The following ID4 variants were observed in gnomAD, a reference collection of about 807,000 sequenced individuals.
ID4 encodes DNA-binding protein inhibitor ID-4.
In ID4, 9 loss-of-function variants were observed where a neutral mutation model predicts 8.6. That is an observed-to-expected ratio of 1.04 (90% CI 0.63 to 1.82). The LOEUF is 1.82. ID4 is among the 40% of genes most tolerant of loss of function. The pLI is 0.00. For missense variants in ID4, 270 were observed against 235.1 expected (o/e 1.15, Z -0.97); for synonymous variants, 180 against 118.0 (o/e 1.53, Z -3.41).
chr6:19,838,515 T>A (rs1761280407), intron 1 of ID4, 69 bp from the exon 2 acceptor site: 2 of 1,597,944 alleles, frequency 1.3e-6, no homozygotes, highest in Middle Eastern at 1.7e-4. Flanking sequence ...CCGAGGACAA[T>A]CCAGGACCGT....
chr6:19,838,314 C>T (rs952115696), intron 1 of ID4, 119 bp downstream of exon 1: 8 of 1,065,296 alleles, frequency 7.5e-6, no homozygotes, highest in African/African-American at 3.4e-5. Flanking sequence ...AATGACAGCC[C>T]CCTCCCCCTG....
chr6:19,838,302 G>C lies in ID4; in HGVS notation c.441+107G>C, dbSNP rs897686183. 6.3e-6 allele frequency: 7 copies of C among 1,109,516 alleles called. No homozygotes were observed. The African/African-American group carries it at 1.2e-4, about 18-fold the overall frequency. The allele number at this position is 1,109,516 out of a possible 1,614,324, so 68.7% of individuals were successfully genotyped here. A position where few individuals can be genotyped will look rare whatever the true frequency, so the allele number is the denominator to read the frequency against. ...CCGTCCTCCGGGCAGGGGCGGGCCAGGAATGACAGCCCCCTCCCCCTGCTC... is the reference window on the plus strand; with the variant it reads ...CCGTCCTCCGGGCAGGGGCGGGCCACGAATGACAGCCCCCTCCCCCTGCTC... On this transcript the variant is annotated intron_variant, in intron 1 of 2. Transcript: ENST00000378700.
rs1581594722 is a variant in ID4, at chr6:19,838,200, G to A, written c.441+5G>A. 3.7e-6 allele frequency: 5 copies of A among 1,362,658 alleles called. No individual in the cohort carries two copies. Among genetic ancestry groups the A allele is most frequent in the Non-Finnish European group, 3.8e-6 (4 of 1,063,186 alleles). The allele number at this position is 1,362,658 out of a possible 1,614,324, so 84.4% of individuals were successfully genotyped here. A position where few individuals can be genotyped will look rare whatever the true frequency, so the allele number is the denominator to read the frequency against. On this transcript the variant is annotated splice_donor_5th_base_variant and intron_variant, in intron 1 of 2. Coordinates refer to ENST00000378700, the MANE Select transcript of ID4 (RefSeq NM_001546.4). Reference sequence around the variant, plus strand: ...ACTGCGCTCAACACCGACCCGGTGAGAGGCCGGGCGCCGGCCGTGGGCGGA... The same window carrying A: ...ACTGCGCTCAACACCGACCCGGTGAAAGGCCGGGCGCCGGCCGTGGGCGGA...
rs895519666 is a variant in ID4, at chr6:19,840,139, G to A, written c.*944G>A. The A allele has an allele frequency of 6.6e-6, 1 of 152,462 alleles. No homozygotes were observed. The highest frequency in any genetic ancestry group is 6.6e-5 in the Admixed American group (1 of 15,262). The allele number at this position is 152,462 out of a possible 1,614,324, so 9.4% of individuals were successfully genotyped here. ...CACCTTATCAGTTTTTAAGTACAGG[G>A]TTTTATAGTGTAATATATACAGAGT... is the stretch of plus-strand genomic sequence containing the variant. On this transcript the variant is annotated 3_prime_UTR_variant, in exon 3 of 3. Transcript: ENST00000378700.
chr6:19,838,286 G>T, intron 1 of ID4, 91 bp downstream of exon 1: 1 of 1,177,454 alleles, frequency 8.5e-7, no homozygotes, highest in Non-Finnish European at 1.1e-6. Context: ...ACCGTCCTCC[G>T]GGCAGGGGCG....
In ID4 at chr6:19,838,591, C is replaced by T; in HGVS notation, c.449C>T (p.Ala150Val). Residue 150 changes from alanine to valine, a missense_variant, in exon 2 of 3, where the codon GCG becomes GTG. Transcript: ENST00000378700. ...LTALNTDPAG[A>V]VNKQGDSILC... ...GTTCGGTTGCTGTTCCAGGCCGGCG[C>T]GGTGAACAAGCAGGGCGACAGCATT... 1 of 1,613,964 alleles carries T rather than the reference C, an allele frequency of 6.2e-7. No individual in the cohort carries two copies. Among genetic ancestry groups the T allele is most frequent in the South Asian group, 1.1e-5 (1 of 91,082 alleles).
chr6:19,838,322 CTGCTCCTCCG>C lies in ID4; in HGVS notation c.441+128_441+137del, dbSNP rs1240283372. 7.6e-6 allele frequency: 8 copies of C among 1,048,480 alleles called. No individual in the cohort carries two copies. In the African/African-American group the frequency reaches 1.4e-4, roughly 18 times the overall value. The allele number at this position is 1,048,480 out of a possible 1,614,324, so 64.9% of individuals were successfully genotyped here. A position where few individuals can be genotyped will look rare whatever the true frequency, so the allele number is the denominator to read the frequency against. On this transcript the variant is annotated intron_variant, in intron 1 of 2. Coordinates refer to ENST00000378700, the MANE Select transcript of ID4 (RefSeq NM_001546.4). ...GGCCAGGAATGACAGCCCCCTCCCCCTGCTCCTCCGGGCTCCCCCGGGCCGCCAGCAGCCG... is the reference window on the plus strand; with the variant it reads ...GGCCAGGAATGACAGCCCCCTCCCCCGGCTCCCCCGGGCCGCCAGCAGCCG...
Position 19,838,145 on chromosome 6 carries a change from T to C in ID4, c.391T>C (p.Cys131Arg). 6.5e-7 allele frequency: 1 copy of C among 1,536,982 alleles called. No individual in the cohort carries two copies. Among genetic ancestry groups the C allele is most frequent in the Non-Finnish European group, 8.8e-7 (1 of 1,141,824 alleles). The change falls in exon 1 of 3, where the codon TGT (cysteine) becomes CGT (arginine). Residue 131 changes from cysteine (C) to arginine (R), a missense_variant. Physicochemically the swap from Cys to Arg is radical, Grantham distance 180 (BLOSUM62 -3). Around this residue, in one of 3 missense-constraint regions of ID4, gnomAD observed 107 missense variants for 81.0 expected, o/e 1.32. Coordinates refer to ENST00000378700, the MANE Select transcript of ID4 (RefSeq NM_001546.4). ...PAPPHHPAGT[C>R]PAAPPRTPLT... The stretch of plus-strand genomic sequence containing the variant: ...GCCGCCACACCACCCGGCCGGGACC[T>C]GTCCAGCCGCGCCGCCGCGGACCCC...
rs961718040 is a variant in ID4, at chr6:19,837,390, G to C, written c.-365G>C. On this transcript the variant is annotated 5_prime_UTR_variant, in exon 1 of 3. Coordinates refer to ENST00000378700, the MANE Select transcript of ID4 (RefSeq NM_001546.4). ...CGGGCGAGAGCGTAGTGGAGGAGGC[G>C]CGGTTGTGAGTAGTACCGGGAGTGG... is the stretch of plus-strand genomic sequence containing the variant. 6.5e-6 allele frequency: 1 copy of C among 153,272 alleles called. No individual in the cohort carries two copies. Among genetic ancestry groups the C allele is most frequent in the Non-Finnish European group, 1.4e-5 (1 of 69,004 alleles). 9.5% of individuals were successfully genotyped at this position (153,272 alleles called of 1,614,324 possible).
rs1443531769 is a variant in ID4, at chr6:19,837,711, C to G, written c.-44C>G. ...GCCCGGAGCTTGCCTGCCTCCCTCG[C>G]TCGCCCCAGCGGGTTCGCTCGCGTA... On this transcript the variant is annotated 5_prime_UTR_variant, in exon 1 of 3. Transcript: ENST00000378700. The G allele has an allele frequency of 9.2e-7, 1 of 1,090,394 alleles. No individual in the cohort carries two copies. Among genetic ancestry groups the G allele is most frequent in the Non-Finnish European group, 1.1e-6 (1 of 896,424 alleles). 67.5% of individuals were successfully genotyped at this position (1,090,394 alleles called of 1,614,324 possible).
rs1561854794 is a variant in ID4 at position 19,840,401 on chromosome 6, A to G, written c.*1206A>G. 6.6e-6 allele frequency: 1 copy of G among 152,588 alleles called. No individual in the cohort carries two copies. 9.5% of individuals were successfully genotyped at this position (152,588 alleles called of 1,614,324 possible). A position where few individuals can be genotyped will look rare whatever the true frequency, so the allele number is the denominator to read the frequency against. ...AAAAATGTTCTCTGCTTGCTACCAA[A>G]GGACAAACTCTTGGAAATGAACACT... is the stretch of plus-strand genomic sequence containing the variant. On this transcript the variant is annotated 3_prime_UTR_variant, in exon 3 of 3. Coordinates refer to ENST00000378700, the MANE Select transcript of ID4 (RefSeq NM_001546.4).
chr6:19,838,454 G>C (rs981862529), intron 1 of ID4, 130 bp from the exon 2 acceptor site: 4 of 1,274,460 alleles, frequency 3.1e-6, no homozygotes, highest in Non-Finnish European at 4.5e-6. Context: ...GCCCGGAGGG[G>C]CCCCCCCGGC....
At position 19,838,008 on chromosome 6, in the gene ID4, A is replaced by G. The variant is rs751473812; in HGVS notation, c.254A>G (p.Asn85Ser). Residue 85 changes from asparagine (N) to serine (S), a missense_variant, in exon 1 of 3, where the codon AAC becomes AGC. Asn to Ser is a conservative substitution (Grantham distance 46). Coordinates refer to ENST00000378700, the MANE Select transcript of ID4 (RefSeq NM_001546.4). The part of the protein sequence containing the change: ...LRRLVPTIPP[N>S]KKVSKVEILQ... ...AGGCTGGTGCCCACCATCCCGCCCA[A>G]CAAGAAAGTCAGCAAAGTGGAGATC... The G allele has an allele frequency of 1.9e-6, 3 of 1,604,104 alleles. No individual in the cohort carries two copies. Among genetic ancestry groups the G allele is most frequent in the African/African-American group, 1.3e-5 (1 of 74,384 alleles).
Position 19,838,099 on chromosome 6 carries a change from G to A in ID4, c.345G>A (p.Leu115=), listed in dbSNP as rs756141118. ...QLALETHPAL[L]RQPPPPAPPH... ...CGCTGGAGACGCACCCGGCCCTGCT[G>A]AGGCAGCCACCACCGCCCGCGCCGC... Residue 115 remains leucine (L), a synonymous_variant, in exon 1 of 3, where the codon CTG becomes CTA. Coordinates refer to ENST00000378700, the MANE Select transcript of ID4 (RefSeq NM_001546.4). 19 of 1,599,826 alleles carry A rather than the reference G, an allele frequency of 1.2e-5. No homozygotes were observed. Among genetic ancestry groups the A allele is most frequent in the Non-Finnish European group, 1.5e-5 (18 of 1,173,974 alleles).
At position 19,841,243 on chromosome 6, in the gene ID4, A is replaced by G. The variant is rs1761354505; in HGVS notation, c.*2048A>G. On this transcript the variant is annotated 3_prime_UTR_variant, in exon 3 of 3. Transcript: ENST00000378700. ...TAAAGTCAAAGAACTGCTTGTTTAG[A>G]TGAGGTTTATTTTTATTTTTGATAT... Among the ~76,000 whole-genome samples the G allele has an allele frequency of 6.6e-6, 1 of 152,136 alleles. No homozygotes were observed. Among genetic ancestry groups the G allele is most frequent in the East Asian group, 1.9e-4 (1 of 5,194 alleles).
At position 19,840,203 on chromosome 6, in the gene ID4, A is replaced by G. The variant is rs577205066; in HGVS notation, c.*1008A>G. The G allele has an allele frequency of 3.9e-5, 6 of 152,522 alleles. No individual in the cohort carries two copies. The highest frequency in any genetic ancestry group is 8.8e-5 in the Non-Finnish European group (6 of 68,006). 9.4% of individuals were successfully genotyped at this position (152,522 alleles called of 1,614,324 possible). ...TGTTTTTCAACTGAGGTCAAAATGG[A>G]TTCTGAATGATTTTGCATATGGGAT... On this transcript the variant is annotated 3_prime_UTR_variant, in exon 3 of 3. Coordinates refer to ENST00000378700, the MANE Select transcript of ID4 (RefSeq NM_001546.4).
rs928654585 is a variant in ID4, at chr6:19,841,641, G to A, written c.*2446G>A. 2.0e-5 allele frequency among the ~76,000 whole-genome samples: 3 copies of A among 152,172 alleles called. No homozygotes were observed. Among genetic ancestry groups the A allele is most frequent in the African/African-American group, 7.2e-5 (3 of 41,454 alleles). ...TGCTACAGATACTACATTTCAAAGA[G>A]TTGGCATTTTCCCTTTGGCCACTCA... On this transcript the variant is annotated 3_prime_UTR_variant, in exon 3 of 3. Transcript: ENST00000378700.
rs767896408 is a variant in ID4, at chr6:19,837,905, AAGGCGGCCG to A, written c.159_167del (p.Glu54_Ala56del). 5.0e-6 allele frequency: 7 copies of A among 1,407,672 alleles called. No individual in the cohort carries two copies. Among genetic ancestry groups the A allele is most frequent in the Non-Finnish European group, 5.6e-6 (6 of 1,071,228 alleles). The allele number at this position is 1,407,672 out of a possible 1,614,324, so 87.2% of individuals were successfully genotyped here. On this transcript the variant is annotated inframe_deletion, in exon 1 of 3. Coordinates refer to ENST00000378700, the MANE Select transcript of ID4 (RefSeq NM_001546.4). ...GGCGGCGGCGGCGGCAGCGCGCTGT[AAGGCGGCCG>A]AGGCGGCGGCCGACGAGCCGGCGCT...
In ID4 at chr6:19,840,555, T is replaced by C. The variant is rs950303120; in HGVS notation, c.*1360T>C. 6.6e-6 allele frequency: 1 copy of C among 152,632 alleles called. No homozygotes were observed. The allele number at this position is 152,632 out of a possible 1,614,324, so 9.5% of individuals were successfully genotyped here. A position where few individuals can be genotyped will look rare whatever the true frequency, so the allele number is the denominator to read the frequency against. On this transcript the variant is annotated 3_prime_UTR_variant, in exon 3 of 3. Transcript: ENST00000378700. ...AACTTAAGCAGACCAAAAATTCTGATGACCGCATCTAGATTATTTTTTTAT... is the reference window on the plus strand; with the variant it reads ...AACTTAAGCAGACCAAAAATTCTGACGACCGCATCTAGATTATTTTTTTAT...
Sources: gnomAD v4.1 joint callset for allele counts (sites outside exome capture counted in the v4.1 genomes callset) on GRCh38, gnomAD v4.1.1 for gene constraint, gnomAD v4.1.1 regional missense constraint, MANE v1.5 for transcripts, NCBI Gene and HGNC (gene_info 2026-07-23, HGNC 2026-07-21) for gene names.